EEF1AKMT3: variants seen among roughly 807,000 people sequenced by gnomAD.
EEF1AKMT3 encodes EEF1A lysine methyltransferase 3, also known as eEF1A-KMT3.
In EEF1AKMT3, 17 loss-of-function variants were observed where a neutral mutation model predicts 17.8. The observed-to-expected ratio is 0.96, with a 90% CI of 0.65 to 1.43. The LOEUF (loss-of-function observed/expected upper bound fraction) is 1.43. Ranked by LOEUF, EEF1AKMT3 falls within the 40% of genes most tolerant of loss-of-function variation. The pLI, the probability that EEF1AKMT3 is intolerant of heterozygous loss-of-function variation, is 0.00. For missense variants in EEF1AKMT3, 244 were observed against 285.8 expected (o/e 0.85, Z 1.06); for synonymous variants, 116 against 126.5 (o/e 0.92, Z 0.56).
At chr12:57,777,197 T>A (rs1024301895) in intron 2 of EEF1AKMT3, among the ~76,000 whole-genome samples, 6 of 152,188 alleles carry the variant, frequency 3.9e-5, no homozygotes, top group Non-Finnish European at 7.3e-5. Flanking sequence ...TCTCAGTTTT[T>A]CCTTTTCTTT....
Position 57,780,458 on chromosome 12 carries a change from A to G in EEF1AKMT3, c.493A>G (p.Thr165Ala), listed in dbSNP as rs578168879. Residue 165 changes from threonine to alanine, a missense_variant, in exon 3 of 3, where the codon ACC (threonine) becomes GCC (alanine). Coordinates refer to ENST00000300209, the MANE Select transcript of EEF1AKMT3 (RefSeq NM_015433.3). ...ACCCACCTTCCCTCTGCTGCTGGGG[A>G]CCCTCCAACACCTGTGCAGGCCCCA... Reference protein sequence around the residue: ...LEPTFPLLLGTLQHLCRPHGT... With the variant: ...LEPTFPLLLGALQHLCRPHGT... 6.2e-7 allele frequency: 1 copy of G among 1,613,806 alleles called. No homozygotes were observed. The highest frequency in any genetic ancestry group is 1.1e-5 in the South Asian group (1 of 91,056).
Position 57,772,812 on chromosome 12 carries a change from A to G in EEF1AKMT3, c.88A>G (p.Lys30Glu), listed in dbSNP as rs2140405921. 1 of 1,614,108 alleles carries G rather than the reference A, an allele frequency of 6.2e-7. No individual in the cohort carries two copies. Among genetic ancestry groups the G allele is most frequent in the East Asian group, 2.2e-5 (1 of 44,866 alleles). Residue 30 changes from lysine (K) to glutamate (E), a missense_variant, in exon 1 of 3, where the codon AAG becomes GAG. Lys to Glu is a moderately conservative substitution (Grantham distance 56). Transcript: ENST00000300209. The surrounding 1 kb of genome is among the most constrained non-coding windows in gnomAD (Gnocchi z 4.1). Reference sequence around the variant, plus strand: ...GCTCTTTGCAGACTCTTACTCGGAGAAGAGCCAGTTCTGTTTCTGTGGGCA... The same window carrying G: ...GCTCTTTGCAGACTCTTACTCGGAGGAGAGCCAGTTCTGTTTCTGTGGGCA... ...VGLFADSYSE[K>E]SQFCFCGHVL...
chr12:57,774,480 CA>C (rs1565816490), intron 2 of EEF1AKMT3: 2 of 563,564 alleles, frequency 3.5e-6, no homozygotes, highest in Non-Finnish European at 6.5e-6. Flanking sequence ...AACTCTGTCT[CA>C]AAAATAAAAA....
chr12:57,775,457 C>T (rs1441473045), intron 2 of EEF1AKMT3, among the ~76,000 whole-genome samples: 1 of 151,762 alleles, frequency 6.6e-6, no homozygotes, highest in African/African-American at 2.4e-5. Flanking sequence ...TCTCGGCTCA[C>T]CGCAACATCC....
chr12:57,782,153 C>A lies in EEF1AKMT3; in HGVS notation c.*1507C>A, dbSNP rs933060190. 1.3e-5 allele frequency: 2 copies of A among 152,228 alleles called. No individual in the cohort carries two copies. The highest frequency in any genetic ancestry group is 4.8e-5 in the African/African-American group (2 of 41,438). The allele number at this position is 152,228 out of a possible 1,614,324, so 9.4% of individuals were successfully genotyped here. A position where few individuals can be genotyped will look rare whatever the true frequency, so the allele number is the denominator to read the frequency against. On this transcript the variant is annotated 3_prime_UTR_variant, in exon 3 of 3. Transcript: ENST00000300209. ...CTGTCAAAATCTTCATTATTCTTTG[C>A]CTCTTTCCTGAGCCTCTTGCTTGAA...
In EEF1AKMT3 at chr12:57,781,527, G is replaced by C. The variant is rs1056449357; in HGVS notation, c.*881G>C. ...GCTCTAACTGGGTCAAGTCCTCCTA[G>C]CTCTGAAGCTAAGGCTGCAGAGCTG... On this transcript the variant is annotated 3_prime_UTR_variant, in exon 3 of 3. Coordinates refer to ENST00000300209, the MANE Select transcript of EEF1AKMT3 (RefSeq NM_015433.3). 1.1e-4 allele frequency: 16 copies of C among 151,164 alleles called. No individual in the cohort carries two copies. The highest frequency in any genetic ancestry group is 3.9e-4 in the African/African-American group (16 of 41,240). The allele number at this position is 151,164 out of a possible 1,614,324, so 9.4% of individuals were successfully genotyped here. A position where few individuals can be genotyped will look rare whatever the true frequency, so the allele number is the denominator to read the frequency against.
intron 2 of EEF1AKMT3, 67 bp downstream of exon 2, chr12:57,773,195 G>T: frequency 6.9e-7 from 1 of 1,450,712 alleles, no homozygotes; most frequent in Non-Finnish European, 9.7e-7. Flanking sequence ...GTCACTTCGT[G>T]GATCTTTGGG....
At chr12:57,780,112 T>C (rs1322464596) in intron 2 of EEF1AKMT3, 143 bp from the exon 3 acceptor site, 1 of 873,374 alleles carries the variant, frequency 1.1e-6, no homozygotes, top group African/African-American at 1.7e-5. Flanking sequence ...AAATGGAGGT[T>C]GAGGCAACTA....
intron 2 of EEF1AKMT3, among the ~76,000 whole-genome samples, chr12:57,778,485 A>G (rs1245263724): frequency 6.6e-6 from 1 of 151,316 alleles, no homozygotes; most frequent in Non-Finnish European, 1.5e-5. Context: ...TTTTTTATAG[A>G]GACGAGGTTT....
In EEF1AKMT3 at chr12:57,773,081, A is replaced by G; in HGVS notation, c.242A>G (p.Glu81Gly). ...NVDFRGKKVIELGAGTGIVGI... is the reference protein window; with the variant it reads ...NVDFRGKKVIGLGAGTGIVGI... ...GATTTCCGAGGCAAGAAGGTGATCG[A>G]ACTGGGTGCGGGGACAGGCATCGTG... Residue 81 changes from glutamate to glycine, a missense_variant, in exon 2 of 3, where the codon GAA becomes GGA. By Grantham distance (98) the Glu-to-Gly change is moderately conservative (BLOSUM62 -2). Transcript: ENST00000300209. 6.2e-7 allele frequency: 1 copy of G among 1,614,128 alleles called. No homozygotes were observed. Among genetic ancestry groups the G allele is most frequent in the Non-Finnish European group, 8.5e-7 (1 of 1,180,016 alleles).
At chr12:57,779,665 C>T (rs200392970) in intron 2 of EEF1AKMT3, among the ~76,000 whole-genome samples, 1 of 151,976 alleles carries the variant, frequency 6.6e-6, no homozygotes, top group African/African-American at 2.4e-5. Context: ...CATCTTCACC[C>T]GTTTCTGCCC....
intron 2 of EEF1AKMT3, 77 bp downstream of exon 2, chr12:57,773,205 G>C: frequency 7.4e-7 from 1 of 1,358,386 alleles, no homozygotes; most frequent in Non-Finnish European, 1.1e-6. Flanking sequence ...GGATCTTTGG[G>C]GGAGAGGGGA....
Position 57,780,522 on chromosome 12 carries a change from A to C in EEF1AKMT3, c.557A>C (p.His186Pro), listed in dbSNP as rs759787463. ...IYLASKMRKE[H>P]GTESFFQHLL... The stretch of plus-strand genomic sequence containing the variant: ...CTGGCCTCCAAGATGAGAAAGGAGC[A>C]TGGGACAGAGAGCTTCTTTCAGCAC... Residue 186 changes from histidine (H) to proline (P), a missense_variant, in exon 3 of 3, where the codon CAT becomes CCT. His to Pro is a moderately conservative substitution (Grantham distance 77). Coordinates refer to ENST00000300209, the MANE Select transcript of EEF1AKMT3 (RefSeq NM_015433.3). 3 of 1,614,070 alleles carry C rather than the reference A, an allele frequency of 1.9e-6. No homozygotes were observed. In the African/African-American group the frequency reaches 4.0e-5, roughly 22 times the overall value.
intron 2 of EEF1AKMT3, among the ~76,000 whole-genome samples, chr12:57,773,426 T>G (rs1955459015): frequency 6.7e-6 from 1 of 150,334 alleles, no homozygotes; most frequent in South Asian, 2.1e-4. Context: ...TTTTTGTTTT[T>G]AATTTTTTTT....
chr12:57,777,778 G>A (rs377588233), intron 2 of EEF1AKMT3, among the ~76,000 whole-genome samples: 2 of 152,268 alleles, frequency 1.3e-5, no homozygotes, highest in South Asian at 4.1e-4. Context: ...CGAGCACTTT[G>A]GGAGGCTAAG....
rs1408433187 is a variant in EEF1AKMT3, at chr12:57,782,156, C to T, written c.*1510C>T. 2.6e-5 allele frequency: 4 copies of T among 152,246 alleles called. No homozygotes were observed. Among genetic ancestry groups the T allele is most frequent in the Non-Finnish European group, 4.4e-5 (3 of 68,042 alleles). The allele number at this position is 152,246 out of a possible 1,614,324, so 9.4% of individuals were successfully genotyped here. ...TCAAAATCTTCATTATTCTTTGCCT[C>T]TTTCCTGAGCCTCTTGCTTGAATGT... On this transcript the variant is annotated 3_prime_UTR_variant, in exon 3 of 3. Transcript: ENST00000300209.
In EEF1AKMT3 at chr12:57,780,524, G is replaced by A. The variant is rs753109456; in HGVS notation, c.559G>A (p.Gly187Arg). The A allele has an allele frequency of 6.2e-6, 10 of 1,613,896 alleles. No homozygotes were observed. Among genetic ancestry groups the A allele is most frequent in the South Asian group, 1.1e-5 (1 of 91,082 alleles). ...GGCCTCCAAGATGAGAAAGGAGCATGGGACAGAGAGCTTCTTTCAGCACCT... is the reference window on the plus strand; with the variant it reads ...GGCCTCCAAGATGAGAAAGGAGCATAGGACAGAGAGCTTCTTTCAGCACCT... Reference protein sequence around the residue: ...YLASKMRKEHGTESFFQHLLP... With the variant: ...YLASKMRKEHRTESFFQHLLP... The change falls in exon 3 of 3, where the codon GGG (glycine) becomes AGG (arginine). Residue 187 changes from glycine to arginine, a missense_variant. Gly to Arg is a moderately radical substitution (Grantham distance 125, BLOSUM62 -2). Coordinates refer to ENST00000300209, the MANE Select transcript of EEF1AKMT3 (RefSeq NM_015433.3).
rs1955507757 is a variant in EEF1AKMT3 at position 57,780,618 on chromosome 12, C to T, written c.653C>T (p.Ala218Val). 1.9e-6 allele frequency: 3 copies of T among 1,610,450 alleles called. No homozygotes were observed. The highest frequency in any genetic ancestry group is 2.5e-6 in the Non-Finnish European group (3 of 1,180,020). Reference sequence around the variant, plus strand: ...GATGAAAATGTCAACATCTATAGGGCCAGGCACAGGGAACCAAGACCTGCT... The same window carrying T: ...GATGAAAATGTCAACATCTATAGGGTCAGGCACAGGGAACCAAGACCTGCT... Reference protein sequence around the residue: ...DEDENVNIYRARHREPRPA With the variant: ...DEDENVNIYRVRHREPRPA The change falls in exon 3 of 3, where the codon GCC (alanine) becomes GTC (valine). Residue 218 changes from alanine (A) to valine (V), a missense_variant. Physicochemically the swap from Ala to Val is moderately conservative, Grantham distance 64. Coordinates refer to ENST00000300209, the MANE Select transcript of EEF1AKMT3 (RefSeq NM_015433.3).
intron 2 of EEF1AKMT3, among the ~76,000 whole-genome samples, chr12:57,777,102 GC>G (rs1329595243): frequency 6.6e-6 from 1 of 152,068 alleles, no homozygotes; most frequent in Non-Finnish European, 1.5e-5. Flanking sequence ...CTAAGGTCAA[GC>G]CCCCCACTTG....
Sources: gnomAD v4.1 joint callset for allele counts (sites outside exome capture counted in the v4.1 genomes callset) on GRCh38, gnomAD v4.1.1 for gene constraint, Gnocchi (gnomAD v3.1) non-coding constraint, MANE v1.5 for transcripts, NCBI Gene and HGNC (gene_info 2026-07-23, HGNC 2026-07-21) for gene names.